The following ITSN1 variants were observed in gnomAD, a reference collection of about 807,000 sequenced individuals.
The protein encoded by ITSN1 is intersectin-1.
In ITSN1, 58 loss-of-function variants were observed where a neutral mutation model predicts 239.8. That is an observed-to-expected ratio of 0.24 (90% CI 0.20 to 0.30). The LOEUF is 0.30. Among genes scored for constraint, ITSN1 ranks in the 10% least tolerant of loss-of-function variants. ITSN1 has a pLI of 1.00. For missense variants in ITSN1, 1,558 were observed against 2,103.3 expected (o/e 0.74, Z 5.07); for synonymous variants, 780 against 770.8 (o/e 1.01, Z -0.20).
At chr21:33,878,842 T>C (rs1384408082) in intron 34 of ITSN1, among the ~76,000 whole-genome samples, 2 of 152,118 alleles carry the variant, frequency 1.3e-5, no homozygotes, top group Non-Finnish European at 2.9e-5. Flanking sequence ...CCCTGGGACA[T>C]AAAAACAAAT....
chr21:33,706,726 T>C (rs2092262007), intron 1 of ITSN1, among the ~76,000 whole-genome samples: 1 of 152,176 alleles, frequency 6.6e-6, no homozygotes, highest in Non-Finnish European at 1.5e-5. Flanking sequence ...TGTTCTATCC[T>C]TTCAATTCAG....
At chr21:33,737,398 A>G (rs1338015784) in intron 5 of ITSN1, among the ~76,000 whole-genome samples, 4 of 152,194 alleles carry the variant, frequency 2.6e-5, no homozygotes, top group South Asian at 2.1e-4. Context: ...AGGCTAAACC[A>G]TGAAGGATAT....
intron 34 of ITSN1, among the ~76,000 whole-genome samples, chr21:33,876,125 CTTTCTTTCTTTCTTTCTTTCTTTCTT>C (rs1402330371): frequency 3.9e-4 from 6 of 15,536 alleles, no homozygotes; most frequent in African/African-American, 3.3e-3. Flanking sequence ...TTCTTTCTTT[CTTTCTTTCTTTCTTTCTTTCTTTCTT>C]TCTCTCTCTC....
intron 1 of ITSN1, among the ~76,000 whole-genome samples, chr21:33,669,903 C>T (rs2090161877): frequency 1.3e-5 from 2 of 152,050 alleles, no homozygotes; most frequent in African/African-American, 4.8e-5. Context: ...ATTCCTTCCT[C>T]CCCCTTACAC....
At chr21:33,770,040 C>T (rs1369462795) in intron 11 of ITSN1, among the ~76,000 whole-genome samples, 14 of 151,074 alleles carry the variant, frequency 9.3e-5, no homozygotes. Flanking sequence ...CATAAGGGCC[C>T]CACTCTCAAC....
At chr21:33,662,479 A>T (rs1002828109) in intron 1 of ITSN1, among the ~76,000 whole-genome samples, 1 of 152,136 alleles carries the variant, frequency 6.6e-6, no homozygotes, top group Non-Finnish European at 1.5e-5. Context: ...CAAATAGGTG[A>T]TGGGGTATTG....
chr21:33,727,897 C>A (rs189424319), intron 4 of ITSN1, among the ~76,000 whole-genome samples: 66 of 152,076 alleles, frequency 4.3e-4, no homozygotes, highest in African/African-American at 1.4e-3. Flanking sequence ...GCCCACTGTT[C>A]GAGCATCTGG....
At chr21:33,716,801 A>C (rs377722813) in intron 1 of ITSN1, among the ~76,000 whole-genome samples, 1 of 151,952 alleles carries the variant, frequency 6.6e-6, no homozygotes, top group East Asian at 1.9e-4. Context: ...AAAATACAAA[A>C]ATTAGCCGGG....
chr21:33,715,280 A>T (rs1033072441), intron 1 of ITSN1, among the ~76,000 whole-genome samples: 1 of 151,970 alleles, frequency 6.6e-6, no homozygotes. Context: ...ATCTAAAGAG[A>T]TTCATATGTG....
chr21:33,722,544 G>GC (rs2065556312), intron 3 of ITSN1, 44 bp from the exon 4 acceptor site: 2 of 1,284,868 alleles, frequency 1.6e-6, no homozygotes, highest in African/African-American at 3.5e-5. Flanking sequence ...GTCAGCTGTT[G>GC]TTTTTTTTTT....
intron 18 of ITSN1, among the ~76,000 whole-genome samples, chr21:33,799,599 T>C (rs2071820709): frequency 6.6e-6 from 1 of 151,768 alleles, no homozygotes; most frequent in Non-Finnish European, 1.5e-5. Flanking sequence ...GAGTCACTAA[T>C]GAACTCTCTC....
chr21:33,696,688 A>G (rs2091808852), intron 1 of ITSN1, among the ~76,000 whole-genome samples: 1 of 152,208 alleles, frequency 6.6e-6, no homozygotes, highest in Non-Finnish European at 1.5e-5. Context: ...CTGGCTTAAA[A>G]ATCTGGCAGG....
chr21:33,659,453 G>A (rs1424357317), intron 1 of ITSN1, among the ~76,000 whole-genome samples: 1 of 152,178 alleles, frequency 6.6e-6, no homozygotes, highest in African/African-American at 2.4e-5. Flanking sequence ...TCTGAAGTGG[G>A]GAAGTCTTAT....
rs1986569375 is a variant in ITSN1 at position 33,894,416 on chromosome 21, TTTTAATAGGA to T, written c.*6119_*6128del. 1 of 152,194 alleles carries T rather than the reference TTTTAATAGGA, an allele frequency of 6.6e-6. No individual in the cohort carries two copies. Among genetic ancestry groups the T allele is most frequent in the African/African-American group, 2.4e-5 (1 of 41,442 alleles). 9.4% of individuals were successfully genotyped at this position (152,194 alleles called of 1,614,324 possible). ...TGTCAGGGGTGTTTTGTGAGTTGTGTTTTAATAGGATTCTGTTCGATTTTCTATACCAGCC... is the reference window on the plus strand; with the variant it reads ...TGTCAGGGGTGTTTTGTGAGTTGTGTTTCTGTTCGATTTTCTATACCAGCC... On this transcript the variant is annotated 3_prime_UTR_variant, in exon 40 of 40. Transcript: ENST00000381318.
At chr21:33,881,760 C>G (rs772025853) in intron 34 of ITSN1, among the ~76,000 whole-genome samples, 1 of 152,018 alleles carries the variant, frequency 6.6e-6, no homozygotes, top group African/African-American at 2.4e-5. Flanking sequence ...GTGGAACGAT[C>G]GCTTGAAGTC....
intron 14 of ITSN1, among the ~76,000 whole-genome samples, chr21:33,777,065 AT>A (rs1293423486): frequency 6.6e-6 from 1 of 152,168 alleles, no homozygotes; most frequent in Non-Finnish European, 1.5e-5. Flanking sequence ...GTTTTTATAA[AT>A]TGAAAAAAAC....
chr21:33,655,762 A>C (rs1372817645), intron 1 of ITSN1, among the ~76,000 whole-genome samples: 1 of 151,976 alleles, frequency 6.6e-6, no homozygotes, highest in African/African-American at 2.4e-5. Flanking sequence ...TGTACTGTCG[A>C]AATACCAAGA....
chr21:33,789,049 T>C (rs1183331107), intron 16 of ITSN1, among the ~76,000 whole-genome samples: 2 of 152,238 alleles, frequency 1.3e-5, no homozygotes, highest in Non-Finnish European at 2.9e-5. Context: ...GAAATCGTTA[T>C]TTTTCAAAAT....
chr21:33,809,208 A>G (rs1354455401), intron 20 of ITSN1, among the ~76,000 whole-genome samples: 1 of 152,232 alleles, frequency 6.6e-6, no homozygotes, highest in African/African-American at 2.4e-5. Flanking sequence ...GTGAGCAGAA[A>G]TGATAGAACT....
Sources: gnomAD v4.1 joint callset for allele counts (sites outside exome capture counted in the v4.1 genomes callset) on GRCh38, gnomAD v4.1.1 for gene constraint, MANE v1.5 for transcripts, NCBI Gene and HGNC (gene_info 2026-07-23, HGNC 2026-07-21) for gene names.